Variants in TFR2 observed in about 807,000 individuals in gnomAD.
The protein encoded by TFR2 is transferrin receptor protein 2.
A neutral mutation model predicts 91.9 loss-of-function variants in TFR2; 64 were observed. The ratio of observed to expected loss-of-function variants is 0.70; its 90% confidence interval spans 0.57 to 0.86. The LOEUF (loss-of-function observed/expected upper bound fraction) is 0.86. Ranked by LOEUF, TFR2 falls within the 40% of genes least tolerant of loss-of-function variation. The pLI is 0.00. For synonymous variants in TFR2, 454 were observed against 459.6 expected (o/e 0.99, Z 0.15); for missense variants, 950 against 1,080.5 (o/e 0.88, Z 1.69).
At position 100,624,962 on chromosome 7, in the gene TFR2, T is replaced by G. The variant is rs1803214674; in HGVS notation, c.2136+1801A>C. 3.9e-5 allele frequency among the ~76,000 whole-genome samples: 6 copies of G among 151,992 alleles called. No homozygotes were observed. The South Asian group carries it at 1.0e-3, about 26-fold the overall frequency. ...CCTGGTCTAGAGCCATAAAATTCAC[T>G]GGGTCTGGCCCAATCCTGTATTGCA... On this transcript the variant is annotated intron_variant, in intron 17 of 17. Coordinates refer to ENST00000223051, the MANE Select transcript of TFR2 (RefSeq NM_003227.4).
intron 17 of TFR2, among the ~76,000 whole-genome samples, chr7:100,626,100 A>G (rs1455214437): frequency 1.3e-5 from 2 of 152,226 alleles, no homozygotes; most frequent in African/African-American, 4.8e-5. Flanking sequence ...ACCTTTCCCC[A>G]TGGCCACAGT....
intron 17 of TFR2, among the ~76,000 whole-genome samples, chr7:100,624,271 G>T (rs1428530843): frequency 6.6e-6 from 1 of 152,018 alleles, no homozygotes. Flanking sequence ...TGGCTCTGCT[G>T]GTCCACACCC....
rs1212399563 is a variant in TFR2, at chr7:100,627,833, G to A, written c.1606-13C>T. ...TGGGAGAATCCACCTGGGGGTTGGG[G>A]AAGGGCACTGATCAGGCTCTGCTCC... is the stretch of plus-strand genomic sequence containing the variant. On this transcript the variant is annotated splice_polypyrimidine_tract_variant and intron_variant, in intron 13 of 17. Coordinates refer to ENST00000223051, the MANE Select transcript of TFR2 (RefSeq NM_003227.4). 1.9e-6 allele frequency: 3 copies of A among 1,613,986 alleles called. No individual in the cohort carries two copies. In the African/African-American group the frequency reaches 4.0e-5, roughly 22 times the overall value.
chr7:100,629,243 C>G lies in TFR2; in HGVS notation c.1390+10G>C. On this transcript the variant is annotated intron_variant, in intron 10 of 17. Transcript: ENST00000223051. ...CCTAGCCCAGGCCCAGGCCCTGGCC[C>G]TGACCTTACCGTTGCTCACCATGGA... The G allele has an allele frequency of 6.2e-7, 1 of 1,613,582 alleles. No homozygotes were observed. Among genetic ancestry groups the G allele is most frequent in the South Asian group, 1.1e-5 (1 of 91,072 alleles).
chr7:100,634,177 AACACACACACAC>A (rs3076877), intron 3 of TFR2, among the ~76,000 whole-genome samples: 50 of 132,804 alleles, frequency 3.8e-4, no homozygotes, highest in African/African-American at 1.0e-3. Flanking sequence ...TCCCGACGTC[AACACACACACAC>A]ACACACACAC....
chr7:100,620,506 G>T lies in TFR2; in HGVS notation c.*351C>A. On this transcript the variant is annotated 3_prime_UTR_variant, in exon 18 of 18. Transcript: ENST00000223051. ...TGTTGGCCATAAGGCTATGGTGCCAGCGATCTCTCCCACTAACAGAGCTGG... is the reference window on the plus strand; with the variant it reads ...TGTTGGCCATAAGGCTATGGTGCCATCGATCTCTCCCACTAACAGAGCTGG... 4.1e-6 allele frequency: 1 copy of T among 241,070 alleles called. No individual in the cohort carries two copies. Among genetic ancestry groups the T allele is most frequent in the African/African-American group, 2.2e-5 (1 of 44,962 alleles). 14.9% of individuals were successfully genotyped at this position (241,070 alleles called of 1,614,324 possible).
At chr7:100,622,154 T>C (rs1480772579) in intron 17 of TFR2, among the ~76,000 whole-genome samples, 1 of 152,144 alleles carries the variant, frequency 6.6e-6, no homozygotes, top group Non-Finnish European at 1.5e-5. Context: ...GCCTCCTGAG[T>C]AGTTGGGAGT....
At chr7:100,632,898 G>A in intron 6 of TFR2, 103 bp downstream of exon 6, 1 of 1,595,254 alleles carries the variant, frequency 6.3e-7, no homozygotes, top group Non-Finnish European at 8.6e-7. Context: ...CAGCCACATG[G>A]TTCTTTCCTG....
chr7:100,629,957 G>A lies in TFR2; in HGVS notation c.1271-585C>T, dbSNP rs896613125. Among the ~76,000 whole-genome samples, 6 of 152,236 alleles carry A rather than the reference G, an allele frequency of 3.9e-5. No homozygotes were observed. In the East Asian group the frequency reaches 1.2e-3, roughly 29 times the overall value. On this transcript the variant is annotated intron_variant, in intron 9 of 17. Transcript: ENST00000223051. ...GACAGGGTTTCACCATGTTAGCCAGGATGGTCTCGATCTCCTGACCTCATG... is the reference window on the plus strand; with the variant it reads ...GACAGGGTTTCACCATGTTAGCCAGAATGGTCTCGATCTCCTGACCTCATG...
Position 100,620,985 on chromosome 7 carries a change from CG to C in TFR2, c.2277del (p.Ala761ProfsTer16), listed in dbSNP as rs1562834905. ...RLLRSNSSGT[P>X]GATSSTGFQE... Reference sequence around the variant, plus strand: ...TGGAAGCCAGTGGAGGAGGTGGCCCCGGGGGTCCCGGAGCTGTTGGAGCGCA... The same window carrying C: ...TGGAAGCCAGTGGAGGAGGTGGCCCCGGGGTCCCGGAGCTGTTGGAGCGCA... On this transcript the variant is annotated frameshift_variant, in exon 18 of 18. Transcript: ENST00000223051. LOFTEE classifies it high-confidence loss of function. 6.2e-7 allele frequency: 1 copy of C among 1,610,718 alleles called. No individual in the cohort carries two copies. Among genetic ancestry groups the C allele is most frequent in the Non-Finnish European group, 8.5e-7 (1 of 1,178,732 alleles).
At position 100,633,511 on chromosome 7, in the gene TFR2, G is replaced by C; in HGVS notation, c.519C>G (p.Ala173=). 6.2e-7 allele frequency: 1 copy of C among 1,609,512 alleles called. No individual in the cohort carries two copies. Among genetic ancestry groups the C allele is most frequent in the Non-Finnish European group, 8.5e-7 (1 of 1,179,812 alleles). Residue 173 remains alanine (A), a synonymous_variant, in exon 4 of 18, where the codon GCC becomes GCG. Coordinates refer to ENST00000223051, the MANE Select transcript of TFR2 (RefSeq NM_003227.4). ...CCGCGCGAATGTCCTGAGTCAGAGCGGCCATCCCGGCCGAGCCTGCCACCC... is the reference window on the plus strand; with the variant it reads ...CCGCGCGAATGTCCTGAGTCAGAGCCGCCATCCCGGCCGAGCCTGCCACCC... The part of the protein sequence containing the change: ...RERVAGSAGM[A]ALTQDIRAAL...
intron 6 of TFR2, 85 bp downstream of exon 6, chr7:100,632,916 C>G: frequency 6.2e-7 from 1 of 1,610,064 alleles, no homozygotes; most frequent in Non-Finnish European, 8.5e-7. Flanking sequence ...CTGTCTCCCT[C>G]TCACAGCACC....
intron 16 of TFR2, 101 bp from the exon 17 acceptor site, chr7:100,627,004 AC>A: frequency 1.5e-6 from 2 of 1,378,006 alleles, no homozygotes; most frequent in Non-Finnish European, 1.9e-6. Context: ...GGGGGCTGGG[AC>A]CCCTGGCCGC....
In TFR2 at chr7:100,633,263, A is replaced by C; in HGVS notation, c.692T>G (p.Val231Gly). 1 of 1,613,696 alleles carries C rather than the reference A, an allele frequency of 6.2e-7. No homozygotes were observed. The highest frequency in any genetic ancestry group is 8.5e-7 in the Non-Finnish European group (1 of 1,179,826). Reference protein sequence around the residue: ...GEQLPLEDPDVYCPYSAIGNV... With the variant: ...GEQLPLEDPDGYCPYSAIGNV... The stretch of plus-strand genomic sequence containing the variant: ...GCCGATGGCGCTGTAGGGGCAGTAG[A>C]CGTCAGGGTCCTCCAGCGGCAGCTG... Residue 231 changes from valine to glycine, a missense_variant, in exon 5 of 18, where the codon GTC becomes GGC. Transcript: ENST00000223051.
chr7:100,627,241 A>T, intron 16 of TFR2, 23 bp downstream of exon 16: 1 of 1,547,580 alleles, frequency 6.5e-7, no homozygotes, highest in Non-Finnish European at 8.7e-7. Flanking sequence ...CCAGAGACCA[A>T]GAGCGGGGTG....
At chr7:100,632,436 AC>A (rs1327459119) in intron 6 of TFR2, among the ~76,000 whole-genome samples, 9 of 149,454 alleles carry the variant, frequency 6.0e-5, no homozygotes, top group African/African-American at 2.2e-4. Flanking sequence ...TTCCCCCAAC[AC>A]CCAATTTGTT....
Position 100,627,918 on chromosome 7 carries a change from C to A in TFR2, c.1594G>T (p.Val532Phe). The A allele has an allele frequency of 1.2e-6, 2 of 1,614,094 alleles. No homozygotes were observed. The highest frequency in any genetic ancestry group is 1.7e-6 in the Non-Finnish European group (2 of 1,179,978). ...TGGGGTGCTCTTGCCTGCTTCAGGA[C>A]ACTCTCAATGAGACTTGTCAGAAGG... ...SPLLTSLIES[V>F]LKQVDSPNHS... Residue 532 changes from valine to phenylalanine, a missense_variant, in exon 13 of 18, where the codon GTC (valine) becomes TTC (phenylalanine). Physicochemically the swap from Val to Phe is conservative, Grantham distance 50 (BLOSUM62 -1). Transcript: ENST00000223051.
intron 10 of TFR2, among the ~76,000 whole-genome samples, chr7:100,628,859 C>A (rs1273296261): frequency 6.6e-6 from 1 of 151,934 alleles, no homozygotes; most frequent in Non-Finnish European, 1.5e-5. Context: ...CTCCGCCTCC[C>A]AGGTTCAAGC....
At chr7:100,632,220 G>C (rs375736078) in intron 6 of TFR2, 22 bp from the exon 7 acceptor site, 78 of 1,608,542 alleles carry the variant, frequency 4.8e-5, no homozygotes, top group Non-Finnish European at 6.6e-5. Context: ...GGTGACTAGA[G>C]GACTCCTCCC....
Sources: allele counts gnomAD v4.1 joint callset (sites outside exome capture counted in the v4.1 genomes callset), GRCh38; gene constraint gnomAD v4.1.1; transcripts MANE v1.5; gene names NCBI Gene and HGNC (gene_info 2026-07-23, HGNC 2026-07-21).